HAUS6: variants seen among roughly 807,000 people sequenced by gnomAD.
The protein encoded by HAUS6 is HAUS augmin-like complex subunit 6.
HAUS6 carries 80 observed loss-of-function variants against 106.8 expected under a neutral mutation model. That is an observed-to-expected ratio of 0.75 (90% CI 0.63 to 0.90). The LOEUF (loss-of-function observed/expected upper bound fraction) is 0.90. HAUS6 is among the 40% of genes least tolerant of loss of function. The probability of loss-of-function intolerance (pLI) is 0.00; values close to 1 mark genes in which losing one functional copy is unlikely to be tolerated. For missense variants in HAUS6, 1,155 were observed against 1,118.1 expected, an observed-to-expected ratio of 1.03 and a Z score of -0.47; for synonymous variants, 356 against 379.1, an observed-to-expected ratio of 0.94 and a Z score of 0.71.
intron 5 of HAUS6, among the ~76,000 whole-genome samples, chr9:19,087,592 C>A (rs1564018134): frequency 2.0e-5 from 3 of 152,138 alleles, no homozygotes; most frequent in Admixed American, 1.3e-4. Context: ...CAATGGCTCA[C>A]ACCTGTAATG....
intron 10 of HAUS6, among the ~76,000 whole-genome samples, chr9:19,077,778 G>A (rs1837043568): frequency 6.6e-6 from 1 of 151,974 alleles, no homozygotes; most frequent in South Asian, 2.1e-4. Flanking sequence ...AAGGCAAATT[G>A]GCTGAGTGTA....
chr9:19,101,718 G>A lies in HAUS6; in HGVS notation c.128+806C>T, dbSNP rs557342149. ...AGGTGGATCATGAGCTCAGGAGATC[G>A]AGACCATCCTGGCCAACATGGTGAA... On this transcript the variant is annotated intron_variant, in intron 1 of 16. Transcript: ENST00000380502. Among the ~76,000 whole-genome samples, 11 of 152,228 alleles carry A rather than the reference G, an allele frequency of 7.2e-5. No homozygotes were observed. The East Asian group carries it at 1.7e-3, about 24-fold the overall frequency.
At position 19,058,937 on chromosome 9, in the gene HAUS6, T is replaced by C; in HGVS notation, c.1830A>G (p.Pro610=). The change falls in exon 16 of 17, where the codon CCA becomes CCG. Residue 610 remains proline, a synonymous_variant. Transcript: ENST00000380502. ...CTCTATGTTCAGCATCCATTTGAAT[T>C]GGTTCTTTAGTTCTGTTTTCTTCCA... ...IEMEENRTKE[P]IQMDAEHREV... 1.2e-6 allele frequency: 2 copies of C among 1,602,418 alleles called. No homozygotes were observed. Among genetic ancestry groups the C allele is most frequent in the Non-Finnish European group, 1.7e-6 (2 of 1,169,494 alleles).
At chr9:19,082,405 C>T (rs1373828211) in intron 8 of HAUS6, among the ~76,000 whole-genome samples, 1 of 150,988 alleles carries the variant, frequency 6.6e-6, no homozygotes, top group Admixed American at 6.6e-5. Context: ...TAAATATACA[C>T]ACCTTTAACA....
At chr9:19,090,410 G>A (rs1187056821) in intron 4 of HAUS6, among the ~76,000 whole-genome samples, 1 of 152,066 alleles carries the variant, frequency 6.6e-6, no homozygotes, top group Non-Finnish European at 1.5e-5. Context: ...AGTCACCCAG[G>A]CTGAAATGCA....
chr9:19,057,924 C>T, intron 16 of HAUS6, 37 bp downstream of exon 16: 1 of 1,271,060 alleles, frequency 7.9e-7, no homozygotes, highest in Non-Finnish European at 1.1e-6. Flanking sequence ...GAGAAAACTT[C>T]AACAGGTGAA....
At chr9:19,092,158 A>G (rs1403016847) in intron 4 of HAUS6, among the ~76,000 whole-genome samples, 2 of 152,082 alleles carry the variant, frequency 1.3e-5, no homozygotes, top group African/African-American at 4.8e-5. Flanking sequence ...TACAATAGTG[A>G]TAAAAGTATC....
At chr9:19,065,095 TAGGTGACA>T (rs985654661) in intron 12 of HAUS6, 2 of 152,262 alleles carry the variant, frequency 1.3e-5, no homozygotes, top group African/African-American at 4.8e-5. Flanking sequence ...TGGGGTTCTA[TAGGTGACA>T]AGTGTTTCCA....
chr9:19,068,916 A>G (rs1472808799), intron 12 of HAUS6, among the ~76,000 whole-genome samples: 1 of 152,186 alleles, frequency 6.6e-6, no homozygotes, highest in Non-Finnish European at 1.5e-5. Flanking sequence ...ATATTACTGG[A>G]GGAAGTTAGA....
intron 12 of HAUS6, 92 bp from the exon 13 acceptor site, chr9:19,063,672 T>C: frequency 1.1e-6 from 1 of 886,012 alleles, no homozygotes; most frequent in South Asian, 1.3e-5. Flanking sequence ...CTGCCCCGTA[T>C]CTGTCCGTTA....
intron 4 of HAUS6, among the ~76,000 whole-genome samples, chr9:19,091,231 T>G (rs1042169450): frequency 6.7e-6 from 1 of 150,286 alleles, no homozygotes; most frequent in East Asian, 2.0e-4. Context: ...ACCCGGGAAG[T>G]GGATGTTGCA....
intron 11 of HAUS6, among the ~76,000 whole-genome samples, chr9:19,071,356 A>T (rs980970984): frequency 3.9e-5 from 6 of 152,150 alleles, no homozygotes; most frequent in Admixed American, 2.0e-4. Flanking sequence ...TGAAAGACAG[A>T]ATTAGAAGTC....
In HAUS6 at chr9:19,070,253, C is replaced by G. The variant is rs1305749321; in HGVS notation, c.1342G>C (p.Asp448His). ...AGATCATGTAGCGCTCCCAAGGTAT[C>G]ACTGTCTCCTCTGCAACCATTTTCT... ...NQENGCRGDS[D>H]TLGALHDLAN... The change falls in exon 12 of 17, where the codon GAT becomes CAT. Residue 448 changes from aspartate (D) to histidine (H), a missense_variant. Physicochemically the swap from Asp to His is moderately conservative, Grantham distance 81 (BLOSUM62 -1). Coordinates refer to ENST00000380502, the MANE Select transcript of HAUS6 (RefSeq NM_017645.5). 1 of 1,603,154 alleles carries G rather than the reference C, an allele frequency of 6.2e-7. No individual in the cohort carries two copies. The highest frequency in any genetic ancestry group is 8.5e-7 in the Non-Finnish European group (1 of 1,170,690).
chr9:19,082,892 A>G lies in HAUS6; in HGVS notation c.851T>C (p.Ile284Thr), dbSNP rs138226659. 2.4e-4 allele frequency: 363 copies of G among 1,485,434 alleles called. No homozygotes were observed. The highest frequency in any genetic ancestry group is 3.9e-4 in the South Asian group (27 of 68,908). The allele number at this position is 1,485,434 out of a possible 1,614,324, so 92.0% of individuals were successfully genotyped here. Residue 284 changes from isoleucine to threonine, a missense_variant, in exon 8 of 17, where the codon ATT becomes ACT. Ile to Thr is a moderately conservative substitution (Grantham distance 89). This residue lies in a region of HAUS6 where 761 missense variants were observed against 690.0 expected (regional missense o/e 1.10). Transcript: ENST00000380502. The stretch of plus-strand genomic sequence containing the variant: ...GCTTACCTGAAACATTTGTTTCTCA[A>G]TTTTGTCAAGTAAGAGCCTTGGAAT... Reference protein sequence around the residue: ...INIPRLLLDKIEKQMFQLHIG... With the variant: ...INIPRLLLDKTEKQMFQLHIG...
chr9:19,063,069 C>T lies in HAUS6; in HGVS notation c.1568G>A (p.Gly523Glu). ...AKNTESSAFGGSLPAKKSDPF... is the reference protein window; with the variant it reads ...AKNTESSAFGESLPAKKSDPF... ...ATCACTTTTTTTAGCTGGCAAAGAC[C>T]CTCCAAATGCACTACTCTCTGTATT... The change falls in exon 14 of 17, where the codon GGG (glycine) becomes GAG (glutamate). Residue 523 changes from glycine (G) to glutamate (E), a missense_variant. By Grantham distance (98) the Gly-to-Glu change is moderately conservative. Transcript: ENST00000380502. 1 of 1,611,142 alleles carries T rather than the reference C, an allele frequency of 6.2e-7. No homozygotes were observed. The highest frequency in any genetic ancestry group is 8.5e-7 in the Non-Finnish European group (1 of 1,178,864).
chr9:19,067,180 A>G (rs1212463565), intron 12 of HAUS6, among the ~76,000 whole-genome samples: 2 of 152,228 alleles, frequency 1.3e-5, no homozygotes, highest in African/African-American at 4.8e-5. Flanking sequence ...TTTCCCAGTT[A>G]ACTACATTAT....
In HAUS6 at chr9:19,101,569, G is replaced by T. The variant is rs544134416; in HGVS notation, c.128+955C>A. 2.0e-4 allele frequency among the ~76,000 whole-genome samples: 31 copies of T among 152,142 alleles called. No homozygotes were observed. The South Asian group carries it at 6.0e-3, about 29-fold the overall frequency. The stretch of plus-strand genomic sequence containing the variant: ...AAGCAGGAGGATTGCTTGAGCCCAG[G>T]AATTTTGAGACCAGCCTGGGCAACA... On this transcript the variant is annotated intron_variant, in intron 1 of 16. Coordinates refer to ENST00000380502, the MANE Select transcript of HAUS6 (RefSeq NM_017645.5).
chr9:19,067,817 TA>T (rs1215646820), intron 12 of HAUS6, among the ~76,000 whole-genome samples: 10 of 152,210 alleles, frequency 6.6e-5, no homozygotes, highest in African/African-American at 1.4e-4. Context: ...GCCTCCCAAG[TA>T]AGTAGTTGGG....
At chr9:19,092,005 T>A (rs1401404779) in intron 4 of HAUS6, among the ~76,000 whole-genome samples, 8 of 151,962 alleles carry the variant, frequency 5.3e-5, no homozygotes, top group African/African-American at 1.9e-4. Flanking sequence ...CTCTTAAACA[T>A]GAAACAATTT....
Sources: gnomAD v4.1 joint callset for allele counts (sites outside exome capture counted in the v4.1 genomes callset) on GRCh38, gnomAD v4.1.1 for gene constraint, gnomAD v4.1.1 regional missense constraint, MANE v1.5 for transcripts, NCBI Gene and HGNC (gene_info 2026-07-23, HGNC 2026-07-21) for gene names.